Variants in WT1 observed in about 807,000 individuals in gnomAD.
The protein encoded by WT1 is WT1 transcription factor, also known as Wilms tumor protein.
WT1 carries 8 observed loss-of-function variants against 60.8 expected under a neutral mutation model. That is an observed-to-expected ratio of 0.13 (90% CI 0.08 to 0.24). The LOEUF is 0.24. Ranked by LOEUF, WT1 falls within the 10% of genes least tolerant of loss-of-function variation. WT1 has a pLI of 1.00. For synonymous variants in WT1, 312 were observed against 297.1 expected (o/e 1.05, Z -0.52); for missense variants, 568 against 711.8 (o/e 0.80, Z 2.30).
Position 32,435,381 on chromosome 11 carries a change from G to T in WT1, c.-21C>A. 6.6e-7 allele frequency: 1 copy of T among 1,521,426 alleles called. No homozygotes were observed. Among genetic ancestry groups the T allele is most frequent in the Non-Finnish European group, 8.8e-7 (1 of 1,138,150 alleles). 94.2% of individuals were successfully genotyped at this position (1,521,426 alleles called of 1,614,324 possible). A position where few individuals can be genotyped will look rare whatever the true frequency, so the allele number is the denominator to read the frequency against. ...TCCAGGATCGCGGCGAGGAGACGGC[G>T]GGGCCCGGGCGCCTGGGCTGCCGTC... is the stretch of plus-strand genomic sequence containing the variant. On this transcript the variant is annotated 5_prime_UTR_variant, in exon 1 of 10. Transcript: ENST00000452863.
intron 9 of WT1, 145 bp downstream of exon 9, chr11:32,391,827 G>A: frequency 1.3e-6 from 1 of 744,158 alleles, no homozygotes. Flanking sequence ...ATTATTTAAA[G>A]ATAGCCACGC....
chr11:32,407,848 T>C (rs1342727801), intron 5 of WT1, among the ~76,000 whole-genome samples: 3 of 151,820 alleles, frequency 2.0e-5, no homozygotes, highest in Admixed American at 2.0e-4. Context: ...CACTCATCAA[T>C]TACATTTACC....
At chr11:32,432,330 C>T (rs1975179986) in intron 1 of WT1, among the ~76,000 whole-genome samples, 1 of 152,168 alleles carries the variant, frequency 6.6e-6, no homozygotes, top group Admixed American at 6.5e-5. Context: ...CCTCTCACAG[C>T]CCAAGTCTTG....
chr11:32,428,480 T>C lies in WT1; in HGVS notation c.784+17A>G, dbSNP rs1458877359. ...GGAAGAAGGGGAGAAGGACTCCACT[T>C]GGTTCCGCTCGCTTACCCAGCGAGC... On this transcript the variant is annotated intron_variant, in intron 2 of 9. Coordinates refer to ENST00000452863, the MANE Select transcript of WT1 (RefSeq NM_024426.6). 3 of 1,613,804 alleles carry C rather than the reference T, an allele frequency of 1.9e-6. No homozygotes were observed. Among genetic ancestry groups the C allele is most frequent in the Non-Finnish European group, 2.5e-6 (3 of 1,180,024 alleles).
chr11:32,432,442 C>T (rs76103435), intron 1 of WT1, among the ~76,000 whole-genome samples: 1,813 of 152,302 alleles, frequency 0.012, 35 homozygotes, highest in East Asian at 0.065. Flanking sequence ...GGATAGCAGC[C>T]GGAGCGCTTC....
At chr11:32,405,458 A>C (rs1343392671) in intron 5 of WT1, among the ~76,000 whole-genome samples, 4 of 150,030 alleles carry the variant, frequency 2.7e-5, no homozygotes, top group African/African-American at 7.3e-5. Context: ...TGTAAAAAAT[A>C]TATATATTTT....
At chr11:32,414,652 C>T (rs568488328) in intron 5 of WT1, among the ~76,000 whole-genome samples, 4 of 152,254 alleles carry the variant, frequency 2.6e-5, no homozygotes, top group South Asian at 2.1e-4. Flanking sequence ...TGTGGCGGAT[C>T]GCCTGAGGTC....
chr11:32,392,803 A>T, intron 7 of WT1, 48 bp from the exon 8 acceptor site: 1 of 1,581,960 alleles, frequency 6.3e-7, no homozygotes, highest in Non-Finnish European at 8.7e-7. Context: ...GGAAAAGGGG[A>T]TCTCATTAAA....
At chr11:32,400,840 T>C (rs1020046116) in intron 5 of WT1, among the ~76,000 whole-genome samples, 2 of 152,248 alleles carry the variant, frequency 1.3e-5, no homozygotes, top group Non-Finnish European at 2.9e-5. Context: ...ACTGAGGTTT[T>C]TCACCCACAC....
chr11:32,389,427 A>G (rs1182782407), intron 9 of WT1, among the ~76,000 whole-genome samples: 1 of 152,256 alleles, frequency 6.6e-6, no homozygotes, highest in African/African-American at 2.4e-5. Flanking sequence ...TGGGAGATAA[A>G]GAATGAGTCA....
chr11:32,433,703 G>GAACTACAGA (rs1853384546), intron 1 of WT1, among the ~76,000 whole-genome samples: 2 of 152,252 alleles, frequency 1.3e-5, no homozygotes, highest in Non-Finnish European at 2.9e-5. Flanking sequence ...CCGCAGGTTC[G>GAACTACAGA]GGTCCGCGCC....
At chr11:32,405,464 A>T (rs929718578) in intron 5 of WT1, among the ~76,000 whole-genome samples, 18 of 149,526 alleles carry the variant, frequency 1.2e-4, no homozygotes, top group Admixed American at 2.0e-4. Context: ...AAATATATAT[A>T]TTTTTAATAT....
At chr11:32,417,502 G>T in intron 4 of WT1, 75 bp downstream of exon 4, 2 of 1,375,786 alleles carry the variant, frequency 1.5e-6, no homozygotes, top group Non-Finnish European at 1.0e-6. Flanking sequence ...TTCTTCATAA[G>T]TTCTAAGCAC....
In WT1 at chr11:32,430,486, G is replaced by GAGAGAGAGAGAGAGAGAGAGAGAGAC. The variant is rs761622301; in HGVS notation, c.662-1868_662-1867insGTCTCTCTCTCTCTCTCTCTCTCTCT. 43 of 1,573,658 alleles carry GAGAGAGAGAGAGAGAGAGAGAGAGAC rather than the reference G, an allele frequency of 2.7e-5. No homozygotes were observed. In the African/African-American group the frequency reaches 5.1e-4, roughly 19 times the overall value. ...AGAGAGAGAGAGAGAGAGAGAGAGA[G>GAGAGAGAGAGAGAGAGAGAGAGAGAC]AGAGACGAAATAGAAGCTACGAAGA... On this transcript the variant is annotated intron_variant, in intron 1 of 9. Coordinates refer to ENST00000452863, the MANE Select transcript of WT1 (RefSeq NM_024426.6).
In WT1 at chr11:32,417,576, C is replaced by T. The variant is rs771527206; in HGVS notation, c.965+1G>A. On this transcript the variant is annotated splice_donor_variant, in intron 4 of 9. Transcript: ENST00000452863. LOFTEE classifies it high-confidence loss of function. ...AGGCAATGGAATAGAGAAAACCTTA[C>T]CCCTTTAAGGTGGCTCCTAAGTTCA... is the stretch of plus-strand genomic sequence containing the variant. 4.3e-6 allele frequency: 7 copies of T among 1,613,252 alleles called. No individual in the cohort carries two copies. The highest frequency in any genetic ancestry group is 5.9e-6 in the Non-Finnish European group (7 of 1,179,370).
intron 7 of WT1, among the ~76,000 whole-genome samples, chr11:32,395,545 C>T (rs1472086747): frequency 6.6e-6 from 1 of 150,920 alleles, no homozygotes; most frequent in East Asian, 1.9e-4. Flanking sequence ...GATCTCAGCT[C>T]ACTGCAACCT....
At chr11:32,405,127 A>G (rs1159380176) in intron 5 of WT1, among the ~76,000 whole-genome samples, 3 of 152,244 alleles carry the variant, frequency 2.0e-5, no homozygotes, top group South Asian at 2.1e-4. Context: ...AAGTAAGACA[A>G]GTAAAATGAA....
Position 32,388,913 on chromosome 11 carries a change from G to C in WT1, c.*145C>G. 1 of 1,455,470 alleles carries C rather than the reference G, an allele frequency of 6.9e-7. No homozygotes were observed. Among genetic ancestry groups the C allele is most frequent in the Middle Eastern group, 2.4e-4 (1 of 4,118 alleles). 90.2% of individuals were successfully genotyped at this position (1,455,470 alleles called of 1,614,324 possible). The stretch of plus-strand genomic sequence containing the variant: ...TTCCAGGCACACCTGGTAGTTTCCA[G>C]AAGCACCGGTATCTTGTCTTGGAAG... On this transcript the variant is annotated 3_prime_UTR_variant, in exon 10 of 10. Transcript: ENST00000452863.
At chr11:32,396,880 A>G (rs548228692) in intron 6 of WT1, among the ~76,000 whole-genome samples, 93 of 152,324 alleles carry the variant, frequency 6.1e-4, no homozygotes, top group African/African-American at 2.0e-3. Flanking sequence ...TGGGATAATG[A>G]ATGAGCCCCT....
Sources: gnomAD v4.1 joint callset for allele counts (sites outside exome capture counted in the v4.1 genomes callset) on GRCh38, gnomAD v4.1.1 for gene constraint, MANE v1.5 for transcripts, NCBI Gene and HGNC (gene_info 2026-07-23, HGNC 2026-07-21) for gene names.